Variants in DLGAP1 observed in about 807,000 individuals in gnomAD.
DLGAP1 encodes the protein disks large-associated protein 1.
Under a neutral mutation model 90.8 loss-of-function variants are expected in DLGAP1, and 11 were observed. The observed-to-expected ratio is 0.12, with a 90% CI of 0.08 to 0.20. The LOEUF (loss-of-function observed/expected upper bound fraction) is 0.20. DLGAP1 is among the 10% of genes least tolerant of loss of function. The pLI is 1.00. For synonymous variants in DLGAP1, 558 were observed against 540.7 expected, an observed-to-expected ratio of 1.03 and a Z score of -0.44; for missense variants, 1,050 against 1,333.8, an observed-to-expected ratio of 0.79 and a Z score of 3.31.
At chr18:3,958,450 T>A (rs2148978574) in intron 3 of DLGAP1, among the ~76,000 whole-genome samples, 1 of 112,324 alleles carries the variant, frequency 8.9e-6, no homozygotes. Flanking sequence ...AGATTGCAAA[T>A]TAGGATAAGC....
chr18:4,180,687 T>C (rs1291979417), intron 1 of DLGAP1, among the ~76,000 whole-genome samples: 1 of 152,228 alleles, frequency 6.6e-6, no homozygotes, highest in African/African-American at 2.4e-5. Context: ...ATTTCACCAC[T>C]TTGCTCTATC....
intron 3 of DLGAP1, among the ~76,000 whole-genome samples, chr18:3,994,869 A>G (rs1568340369): frequency 6.6e-6 from 1 of 151,678 alleles, no homozygotes; most frequent in Admixed American, 6.5e-5. Flanking sequence ...ATACATATAG[A>G]TTCTAATTTT....
intron 2 of DLGAP1, among the ~76,000 whole-genome samples, chr18:4,031,866 T>C (rs2074801492): frequency 6.6e-6 from 1 of 152,174 alleles, no homozygotes; most frequent in Non-Finnish European, 1.5e-5. Flanking sequence ...CAGAGCAACT[T>C]TGAAAAATCA....
Position 4,383,841 on chromosome 18 carries a change from T to C in DLGAP1, c.-267+71165A>G, listed in dbSNP as rs2082178131. On this transcript the variant is annotated intron_variant, in intron 1 of 12. Transcript: ENST00000315677. This position sits in a 1 kb window ranked among gnomAD's most constrained non-coding sequence, Gnocchi z 4.0. ...CACATCTAATCCACAAGTTTGAGGATGAGATTAAGTGCAACCATTTCAATG... is the reference window on the plus strand; with the variant it reads ...CACATCTAATCCACAAGTTTGAGGACGAGATTAAGTGCAACCATTTCAATG... Among the ~76,000 whole-genome samples the C allele has an allele frequency of 6.6e-6, 1 of 152,132 alleles. No individual in the cohort carries two copies. Among genetic ancestry groups the C allele is most frequent in the Non-Finnish European group, 1.5e-5 (1 of 67,996 alleles).
At chr18:4,087,028 G>GAGATATAT (rs1555737154) in intron 2 of DLGAP1, among the ~76,000 whole-genome samples, 1 of 121,880 alleles carries the variant, frequency 8.2e-6, no homozygotes, top group Non-Finnish European at 1.8e-5. Context: ...CCTTGTCTGA[G>GAGATATAT]ATATATATAT....
intron 4 of DLGAP1, among the ~76,000 whole-genome samples, chr18:3,856,112 T>G (rs9944918): frequency 7.0e-4 from 106 of 152,314 alleles, no homozygotes; most frequent in African/African-American, 2.5e-3. Flanking sequence ...TTTGCATGAC[T>G]GTTGGCCTGG....
intron 1 of DLGAP1, among the ~76,000 whole-genome samples, chr18:4,240,518 C>A (rs1433998574): frequency 6.6e-6 from 1 of 152,080 alleles, no homozygotes; most frequent in Non-Finnish European, 1.5e-5. Context: ...ATCAGATTTT[C>A]TGGTGAAAGT....
At chr18:3,748,496 T>C (rs1285253951) in intron 5 of DLGAP1, among the ~76,000 whole-genome samples, 1 of 152,258 alleles carries the variant, frequency 6.6e-6, no homozygotes, top group Non-Finnish European at 1.5e-5. Flanking sequence ...GACCATCTTA[T>C]GGAGCCATCT....
chr18:3,499,027 CG>C lies in DLGAP1; in HGVS notation c.*157del, dbSNP rs1466190818. On this transcript the variant is annotated 3_prime_UTR_variant, in exon 13 of 13. Coordinates refer to ENST00000315677, the MANE Select transcript of DLGAP1 (RefSeq NM_004746.4). The surrounding 1 kb of genome is among the most constrained non-coding windows in gnomAD (Gnocchi z 6.4). ...GGGAAGTGGGGGGCTGAGGGGGGCCCGGGGGGCGGCTCCTGCGAGGTGGACA... is the reference window on the plus strand; with the variant it reads ...GGGAAGTGGGGGGCTGAGGGGGGCCCGGGGGCGGCTCCTGCGAGGTGGACA... 1.6e-5 allele frequency: 10 copies of C among 613,480 alleles called. No homozygotes were observed. The East Asian group carries it at 2.0e-4, about 12-fold the overall frequency. 38.0% of individuals were successfully genotyped at this position (613,480 alleles called of 1,614,324 possible). A position where few individuals can be genotyped will look rare whatever the true frequency, so the allele number is the denominator to read the frequency against.
intron 3 of DLGAP1, among the ~76,000 whole-genome samples, chr18:3,930,780 C>T (rs1195043515): frequency 6.6e-6 from 1 of 152,136 alleles, no homozygotes. Flanking sequence ...AGCTCTTGGA[C>T]ACTTACCCAA....
At chr18:3,655,285 C>T (rs1207776552) in intron 7 of DLGAP1, among the ~76,000 whole-genome samples, 1 of 152,150 alleles carries the variant, frequency 6.6e-6, no homozygotes, top group Non-Finnish European at 1.5e-5. Context: ...AAAACAAACA[C>T]AGAAACTCAC....
At chr18:4,199,496 T>A (rs2077566437) in intron 1 of DLGAP1, among the ~76,000 whole-genome samples, 1 of 152,192 alleles carries the variant, frequency 6.6e-6, no homozygotes, top group African/African-American at 2.4e-5. Flanking sequence ...TTAAGATAAC[T>A]GTGAATAATC....
At chr18:3,556,579 G>A (rs1343628491) in intron 9 of DLGAP1, among the ~76,000 whole-genome samples, 1 of 151,906 alleles carries the variant, frequency 6.6e-6, no homozygotes, top group African/African-American at 2.4e-5. Flanking sequence ...GTCTTTTTGT[G>A]GCTCAATAGC....
intron 1 of DLGAP1, among the ~76,000 whole-genome samples, chr18:4,332,145 T>C (rs889380647): frequency 1.3e-5 from 2 of 151,868 alleles, no homozygotes; most frequent in Middle Eastern, 3.4e-3. Flanking sequence ...TTGACCATGA[T>C]TGGAATGGGG....
intron 1 of DLGAP1, among the ~76,000 whole-genome samples, chr18:4,321,885 T>A (rs2080694580): frequency 1.3e-5 from 2 of 152,154 alleles, no homozygotes; most frequent in South Asian, 4.1e-4. Flanking sequence ...GCTGGTGGCA[T>A]CCTACTACCT....
At chr18:3,693,672 A>G (rs1362386265) in intron 7 of DLGAP1, among the ~76,000 whole-genome samples, 2 of 152,208 alleles carry the variant, frequency 1.3e-5, no homozygotes, top group Non-Finnish European at 2.9e-5. Context: ...TAAATTCTCT[A>G]TGATTTCACA....
rs144420790 is a variant in DLGAP1, at chr18:3,554,895, A to C, written c.2057+12595T>G. On this transcript the variant is annotated intron_variant, in intron 9 of 12. Transcript: ENST00000315677. Reference sequence around the variant, plus strand: ...GGTCTTTTAATCATTTCTTTGCACTATCTCTTTCTCAGCTCAATTTTCTTT... The same window carrying C: ...GGTCTTTTAATCATTTCTTTGCACTCTCTCTTTCTCAGCTCAATTTTCTTT... Among the ~76,000 whole-genome samples, 210 of 152,188 alleles carry C rather than the reference A, an allele frequency of 1.4e-3. 1 individual carries two copies. Among genetic ancestry groups the C allele is most frequent in the African/African-American group, 5.0e-3 (209 of 41,532 alleles).
At chr18:4,350,435 A>C (rs2081382535) in intron 1 of DLGAP1, among the ~76,000 whole-genome samples, 2 of 152,218 alleles carry the variant, frequency 1.3e-5, no homozygotes, top group Non-Finnish European at 2.9e-5. Context: ...AAAGCAATGC[A>C]TTTCAATTTT....
Position 4,181,492 on chromosome 18 carries a change from A to T in DLGAP1, c.-266-30205T>A, listed in dbSNP as rs565098147. ...AAATGCAGCAGGAGCTACCCGTGAT[A>T]GGAGTCAATACCTCTGTGAACAAGG... On this transcript the variant is annotated intron_variant, in intron 1 of 12. Transcript: ENST00000315677. Among the ~76,000 whole-genome samples, 252 of 152,316 alleles carry T rather than the reference A, an allele frequency of 1.7e-3. 1 individual carries two copies. The highest frequency in any genetic ancestry group is 5.9e-3 in the African/African-American group (246 of 41,574).
Sources: gnomAD v4.1 joint callset for allele counts (sites outside exome capture counted in the v4.1 genomes callset) on GRCh38, gnomAD v4.1.1 for gene constraint, Gnocchi (gnomAD v3.1) non-coding constraint, MANE v1.5 for transcripts, NCBI Gene and HGNC (gene_info 2026-07-23, HGNC 2026-07-21) for gene names.